The following IGSF21 variants were observed in gnomAD, a reference collection of about 807,000 sequenced individuals.
The protein encoded by IGSF21 is immunoglobulin superfamily member 21.
IGSF21 carries 28 observed loss-of-function variants against 46.8 expected under a neutral mutation model. That is an observed-to-expected ratio of 0.60 (90% CI 0.44 to 0.82). IGSF21 has a LOEUF of 0.82. Ranked by LOEUF, IGSF21 falls within the 40% of genes least tolerant of loss-of-function variation. The pLI is 0.00. For missense variants in IGSF21, 624 were observed against 665.5 expected (o/e 0.94, Z 0.69); for synonymous variants, 284 against 273.6 (o/e 1.04, Z -0.38).
Position 18,198,768 on chromosome 1 carries a change from C to T in IGSF21, c.71-29130C>T, listed in dbSNP as rs567425594. ...GCTGGGTCATCCGATGGCAGAGTGA[C>T]GCCACTTCTGTCACCACCCCCCTGG... On this transcript the variant is annotated intron_variant, in intron 1 of 9. Transcript: ENST00000251296. 1.1e-4 allele frequency among the ~76,000 whole-genome samples: 17 copies of T among 152,276 alleles called. No individual in the cohort carries two copies. In the South Asian group the frequency reaches 1.2e-3, roughly 11 times the overall value.
At chr1:18,283,587 TC>T (rs2085183620) in intron 2 of IGSF21, among the ~76,000 whole-genome samples, 1 of 151,814 alleles carries the variant, frequency 6.6e-6, no homozygotes, top group Non-Finnish European at 1.5e-5. Context: ...CCTGTGCCCC[TC>T]CCCCTACACA....
chr1:18,353,183 A>G (rs1042552869), intron 4 of IGSF21, among the ~76,000 whole-genome samples: 2 of 151,688 alleles, frequency 1.3e-5, no homozygotes, highest in Non-Finnish European at 2.9e-5. Context: ...TACTCAGTTC[A>G]ATATTTAATT....
At chr1:18,108,258 G>A (rs543365759) in intron 1 of IGSF21, 60 bp downstream of exon 1, 2 of 1,307,074 alleles carry the variant, frequency 1.5e-6, no homozygotes, top group Admixed American at 8.2e-5. Context: ...ACGGGGTGCC[G>A]GGGGAGGGCG....
chr1:18,268,594 G>T (rs1237948553), intron 2 of IGSF21, among the ~76,000 whole-genome samples: 2 of 152,222 alleles, frequency 1.3e-5, no homozygotes, highest in Non-Finnish European at 2.9e-5. Context: ...GAAACCTGCA[G>T]CTGTGGTTTG....
chr1:18,185,056 G>A (rs745616941), intron 1 of IGSF21, among the ~76,000 whole-genome samples: 10 of 152,190 alleles, frequency 6.6e-5, no homozygotes, highest in Non-Finnish European at 1.5e-4. Flanking sequence ...AATGTTGGTT[G>A]TTGTAAGTCA....
At chr1:18,325,183 G>A (rs2124597913) in intron 3 of IGSF21, among the ~76,000 whole-genome samples, 1 of 152,366 alleles carries the variant, frequency 6.6e-6, no homozygotes, top group South Asian at 2.1e-4. Context: ...GGTTAGTGCA[G>A]GGGCCATGTC....
chr1:18,362,882 G>C (rs1235123310), intron 5 of IGSF21, among the ~76,000 whole-genome samples: 2 of 152,136 alleles, frequency 1.3e-5, no homozygotes, highest in African/African-American at 4.8e-5. Context: ...AGAGAGCTGG[G>C]GTCCTGGCCC....
chr1:18,207,436 C>T (rs2084339841), intron 1 of IGSF21, among the ~76,000 whole-genome samples: 1 of 152,160 alleles, frequency 6.6e-6, no homozygotes, highest in African/African-American at 2.4e-5. Flanking sequence ...ATTCTGCCCA[C>T]CTCATGTGAG....
chr1:18,201,073 CT>C (rs2087069003), intron 1 of IGSF21, among the ~76,000 whole-genome samples: 1 of 152,144 alleles, frequency 6.6e-6, no homozygotes, highest in African/African-American at 2.4e-5. Context: ...TAGGAAGGCT[CT>C]CGAGAGACCC....
In IGSF21 at chr1:18,232,581, C is replaced by T. The variant is rs569610150; in HGVS notation, c.183+4571C>T. Among the ~76,000 whole-genome samples the T allele has an allele frequency of 3.2e-4, 48 of 152,286 alleles. No homozygotes were observed. The Middle Eastern group carries it at 0.017, about 54-fold the overall frequency. ...AGAGACTGTGTCTCGGGTCATGTTG[C>T]CTTCCCTGACTTCTCCAGAAAGCTG... On this transcript the variant is annotated intron_variant, in intron 2 of 9. Coordinates refer to ENST00000251296, the MANE Select transcript of IGSF21 (RefSeq NM_032880.5).
intron 1 of IGSF21, among the ~76,000 whole-genome samples, chr1:18,128,105 C>T (rs760311253): frequency 6.6e-6 from 1 of 152,138 alleles, no homozygotes; most frequent in South Asian, 2.1e-4. Flanking sequence ...ACTTACTACT[C>T]GTTTATCCAA....
intron 1 of IGSF21, among the ~76,000 whole-genome samples, chr1:18,137,080 C>T (rs563162826): frequency 1.5e-3 from 233 of 152,106 alleles, no homozygotes; most frequent in African/African-American, 5.3e-3. Flanking sequence ...GCGGGCTGTA[C>T]AGGAAGCATA....
chr1:18,305,912 T>C (rs1270779675), intron 3 of IGSF21, among the ~76,000 whole-genome samples: 1 of 152,204 alleles, frequency 6.6e-6, no homozygotes, highest in Non-Finnish European at 1.5e-5. Context: ...CATATCCCAG[T>C]AGCGATGGAG....
chr1:18,364,961 GAGGCTC>G (rs2086145293), intron 5 of IGSF21, among the ~76,000 whole-genome samples: 1 of 152,174 alleles, frequency 6.6e-6, no homozygotes, highest in East Asian at 1.9e-4. Context: ...TGAAGAAACT[GAGGCTC>G]AAAAAACCTC....
intron 1 of IGSF21, among the ~76,000 whole-genome samples, chr1:18,130,291 A>G (rs901386551): frequency 3.3e-5 from 5 of 152,126 alleles, no homozygotes; most frequent in African/African-American, 1.2e-4. Flanking sequence ...CTTTAGTTCA[A>G]CTCTTCACAC....
chr1:18,349,829 T>C (rs979018371), intron 4 of IGSF21, among the ~76,000 whole-genome samples: 2 of 151,862 alleles, frequency 1.3e-5, no homozygotes, highest in African/African-American at 4.8e-5. Flanking sequence ...AAGGCCGATA[T>C]GGGATGATCT....
intron 3 of IGSF21, among the ~76,000 whole-genome samples, chr1:18,310,108 TC>T (rs1481974865): frequency 6.6e-6 from 1 of 152,214 alleles, no homozygotes; most frequent in African/African-American, 2.4e-5. Flanking sequence ...ATCCCCAGCC[TC>T]ATGAAGGCTG....
In IGSF21 at chr1:18,337,650, T is replaced by C. The variant is rs1569837276; in HGVS notation, c.424+2640T>C. On this transcript the variant is annotated intron_variant, in intron 4 of 9. Transcript: ENST00000251296. The surrounding 1 kb of genome is among the most constrained non-coding windows in gnomAD (Gnocchi z 5.7). ...GACAGGGGTCTCTCCTTACTCACCT[T>C]CTCTGGGCTTCTTCCCCAAAGGTCT... Among the ~76,000 whole-genome samples, 1 of 152,042 alleles carries C rather than the reference T, an allele frequency of 6.6e-6. No individual in the cohort carries two copies. Among genetic ancestry groups the C allele is most frequent in the South Asian group, 2.1e-4 (1 of 4,818 alleles).
At chr1:18,273,187 C>T (rs1569689871) in intron 2 of IGSF21, among the ~76,000 whole-genome samples, 1 of 151,614 alleles carries the variant, frequency 6.6e-6, no homozygotes, top group African/African-American at 2.4e-5. Context: ...ATTACAGGCA[C>T]ATGTCACCAT....
Sources: allele counts gnomAD v4.1 joint callset (sites outside exome capture counted in the v4.1 genomes callset), GRCh38; gene constraint gnomAD v4.1.1; non-coding constraint Gnocchi (gnomAD v3.1); transcripts MANE v1.5; gene names NCBI Gene and HGNC (gene_info 2026-07-23, HGNC 2026-07-21).